TFB1M: variants seen among roughly 807,000 people sequenced by gnomAD.
TFB1M encodes dimethyladenosine transferase 1, mitochondrial.
A neutral mutation model predicts 31.1 loss-of-function variants in TFB1M; 27 were observed. That is an observed-to-expected ratio of 0.87 (90% CI 0.64 to 1.20). The LOEUF is 1.20. Among genes scored for constraint, TFB1M ranks in the 50% most tolerant of loss-of-function variants. TFB1M has a pLI of 0.00. For synonymous variants in TFB1M, 166 were observed against 151.8 expected, an observed-to-expected ratio of 1.09 and a Z score of -0.69; for missense variants, 394 against 418.7, an observed-to-expected ratio of 0.94 and a Z score of 0.51.
the TFB1M span, among the ~76,000 whole-genome samples, chr6:155,245,058 G>A: frequency 0.014 from 2,076 of 152,300 alleles, 21 homozygotes; most frequent in Non-Finnish European, 0.02. Context: ...CTCAGCTGCT[G>A]TGAAGGATAT....
At position 155,256,591 on chromosome 6, in the gene TFB1M, G is replaced by A. The variant is rs1483295609; in HGVS notation, c.*1245C>T. The A allele has an allele frequency of 8.1e-6, 13 of 1,614,024 alleles. No homozygotes were observed. The highest frequency in any genetic ancestry group is 1.1e-5 in the South Asian group (1 of 91,084). On this transcript the variant is annotated 3_prime_UTR_variant, in exon 7 of 7. Coordinates refer to ENST00000367166, the MANE Select transcript of TFB1M (RefSeq NM_016020.4). The stretch of plus-strand genomic sequence containing the variant: ...CTCTGACGAGGGCAGCTTGAGCAGC[G>A]GCACCCAGAGCAGCGGCTGCCCCAC...
At chr6:155,274,477 G>A (rs879744680) in intron 5 of TFB1M, among the ~76,000 whole-genome samples, 1 of 152,188 alleles carries the variant, frequency 6.6e-6, no homozygotes, top group African/African-American at 2.4e-5. Context: ...AACTAATGAT[G>A]TGGTTATTTC....
intron 5 of TFB1M, among the ~76,000 whole-genome samples, chr6:155,283,246 T>C (rs571358172): frequency 6.6e-6 from 1 of 152,214 alleles, no homozygotes; most frequent in African/African-American, 2.4e-5. Context: ...GCCTGGCCAA[T>C]ATGGCAAAAT....
intron 2 of TFB1M, among the ~76,000 whole-genome samples, chr6:155,310,076 GT>G (rs1777951678): frequency 6.6e-6 from 1 of 152,060 alleles, no homozygotes; most frequent in African/African-American, 2.4e-5. Flanking sequence ...AAAGTTCTAG[GT>G]TTTCAAAAAC....
intron 2 of TFB1M, among the ~76,000 whole-genome samples, chr6:155,301,875 C>T (rs2114790690): frequency 6.6e-6 from 1 of 152,284 alleles, no homozygotes; most frequent in Middle Eastern, 3.4e-3. Flanking sequence ...TGTACCAAGA[C>T]TCCAAGAGAT....
At chr6:155,245,175 T>A in the TFB1M span, among the ~76,000 whole-genome samples, 1 of 152,214 alleles carries the variant, frequency 6.6e-6, no homozygotes, top group Non-Finnish European at 1.5e-5. Context: ...ATTGCTGGGC[T>A]CAAGCCCTCT....
At chr6:155,238,458 C>T in the TFB1M span, among the ~76,000 whole-genome samples, 1 of 152,270 alleles carries the variant, frequency 6.6e-6, no homozygotes, top group African/African-American at 2.4e-5. Context: ...TCAGCAGTGC[C>T]CCCGACTCAA....
intron 3 of TFB1M, among the ~76,000 whole-genome samples, chr6:155,298,192 G>C (rs527913398): frequency 3.9e-5 from 6 of 152,068 alleles, no homozygotes; most frequent in Non-Finnish European, 8.8e-5. Context: ...ACAATTGATA[G>C]TTTACCCTAT....
intron 2 of TFB1M, among the ~76,000 whole-genome samples, chr6:155,305,593 TTATATATAAA>T (rs1455110326): frequency 1.5e-3 from 28 of 18,424 alleles, no homozygotes; most frequent in East Asian, 0.013. Context: ...AATTATATAT[TTATATATAAA>T]TATATATATA....
At chr6:155,251,559 T>G (rs933629624), downstream of TFB1M, among the ~76,000 whole-genome samples, 2 of 152,194 alleles carry the variant, frequency 1.3e-5, no homozygotes, top group African/African-American at 4.8e-5. Flanking sequence ...AGTGCTGGGA[T>G]TACAGGCATT....
At chr6:155,253,975 A>T (rs757674083), downstream of TFB1M, 53 of 1,611,960 alleles carry the variant, frequency 3.3e-5, no homozygotes, top group Non-Finnish European at 4.2e-5. Context: ...TTACATAGGG[A>T]CAGAAAATAA....
At chr6:155,306,899 T>C (rs541194074) in intron 2 of TFB1M, among the ~76,000 whole-genome samples, 6 of 152,218 alleles carry the variant, frequency 3.9e-5, no homozygotes, top group Admixed American at 1.3e-4. Context: ...GGTGGGCAGA[T>C]TGCTTAAGCC....
At chr6:155,267,692 G>A (rs536271968) in intron 5 of TFB1M, among the ~76,000 whole-genome samples, 5 of 152,256 alleles carry the variant, frequency 3.3e-5, no homozygotes, top group Admixed American at 2.6e-4. Context: ...GAGCAGGTGC[G>A]ACAGTGCTAT....
chr6:155,248,491 G>A, the TFB1M span, among the ~76,000 whole-genome samples: 2 of 152,234 alleles, frequency 1.3e-5, no homozygotes, highest in Admixed American at 1.3e-4. Flanking sequence ...TCACGTGGCT[G>A]TGAAACAGTG....
intron 5 of TFB1M, among the ~76,000 whole-genome samples, chr6:155,266,968 GC>G (rs1319082246): frequency 1.5e-5 from 2 of 136,610 alleles, no homozygotes; most frequent in Admixed American, 8.1e-5. Flanking sequence ...ATACTTTGCT[GC>G]CTTTTTTTTT....
the TFB1M span, among the ~76,000 whole-genome samples, chr6:155,242,347 G>A: frequency 6.6e-6 from 1 of 152,128 alleles, no homozygotes; most frequent in Admixed American, 6.5e-5. Context: ...ACAGAATCTT[G>A]TTGTTTTTTA....
At chr6:155,250,765 G>C in the TFB1M span, 1 of 1,120,562 alleles carries the variant, frequency 8.9e-7, no homozygotes, top group Non-Finnish European at 1.3e-6. Context: ...AAGCTCCACC[G>C]TTTAAGGCCC....
At chr6:155,297,542 T>C (rs1401995237) in intron 3 of TFB1M, among the ~76,000 whole-genome samples, 1 of 152,112 alleles carries the variant, frequency 6.6e-6, no homozygotes, top group Non-Finnish European at 1.5e-5. Context: ...ACCATAGGAA[T>C]GGAGTAATCT....
chr6:155,281,357 A>G (rs1785488861), intron 5 of TFB1M, among the ~76,000 whole-genome samples: 1 of 152,230 alleles, frequency 6.6e-6, no homozygotes. Context: ...ACCAGTGTCA[A>G]TTAAAAAGAA....
Sources: allele counts gnomAD v4.1 joint callset (sites outside exome capture counted in the v4.1 genomes callset), GRCh38; gene constraint gnomAD v4.1.1; transcripts MANE v1.5; gene names NCBI Gene and HGNC (gene_info 2026-07-23, HGNC 2026-07-21).